Variants in ASH1L observed in about 807,000 individuals in gnomAD.
ASH1L encodes the protein ASH1 like histone lysine methyltransferase, also known as histone-lysine N-methyltransferase ASH1L.
In ASH1L, 23 loss-of-function variants were observed where a neutral mutation model predicts 269.0. That is an observed-to-expected ratio of 0.09 (90% CI 0.06 to 0.12). The LOEUF (loss-of-function observed/expected upper bound fraction) is 0.12, where lower values mean the gene tolerates loss of function less well. ASH1L is among the 10% of genes least tolerant of loss of function. The pLI is 1.00. For missense variants in ASH1L, 2,912 were observed against 3,567.8 expected (o/e 0.82, Z 4.68); for synonymous variants, 1,187 against 1,253.5 (o/e 0.95, Z 1.12).
intron 12 of ASH1L, among the ~76,000 whole-genome samples, chr1:155,369,087 T>C (rs1347803514): frequency 6.6e-6 from 1 of 152,136 alleles, no homozygotes; most frequent in Non-Finnish European, 1.5e-5. Context: ...CATATTTTCA[T>C]AGGGGTGTTG....
chr1:155,438,922 G>T lies in ASH1L; in HGVS notation c.5233C>A (p.Pro1745Thr). 2 of 1,614,212 alleles carry T rather than the reference G, an allele frequency of 1.2e-6. No homozygotes were observed. The highest frequency in any genetic ancestry group is 1.7e-6 in the Non-Finnish European group (2 of 1,180,050). The part of the protein sequence containing the change: ...DAVIATASAP[P>T]SSSPGRSHSK... The stretch of plus-strand genomic sequence containing the variant: ...TGGCTACGGCCTGGACTGGAAGAAG[G>T]TGGTGCAGAGGCAGTTGCAATCACA... Residue 1745 changes from proline (P) to threonine (T), a missense_variant, in exon 5 of 28, where the codon CCT (proline) becomes ACT (threonine). Pro to Thr is a conservative substitution (Grantham distance 38). Transcript: ENST00000392403.
chr1:155,428,865 C>T (rs956364085), intron 5 of ASH1L, among the ~76,000 whole-genome samples: 5 of 152,236 alleles, frequency 3.3e-5, no homozygotes, highest in Admixed American at 2.0e-4. Flanking sequence ...AATAAATACG[C>T]GGGTAAATCT....
At chr1:155,448,222 A>AGTG (rs1663177793) in intron 4 of ASH1L, among the ~76,000 whole-genome samples, 1 of 152,222 alleles carries the variant, frequency 6.6e-6, no homozygotes, top group African/African-American at 2.4e-5. Context: ...TTTTTATGCT[A>AGTG]GTACCATGCT....
intron 3 of ASH1L, among the ~76,000 whole-genome samples, chr1:155,460,790 C>T (rs1323381482): frequency 6.6e-6 from 1 of 152,160 alleles, no homozygotes; most frequent in Admixed American, 6.5e-5. Context: ...TGGCTATATA[C>T]ATAAAAGCTT....
intron 1 of ASH1L, among the ~76,000 whole-genome samples, chr1:155,560,366 G>A (rs1372100276): frequency 6.6e-6 from 1 of 152,052 alleles, no homozygotes; most frequent in Non-Finnish European, 1.5e-5. Flanking sequence ...AGAAGAATAC[G>A]GTTAAGTGGC....
intron 5 of ASH1L, among the ~76,000 whole-genome samples, chr1:155,418,354 C>T (rs897150500): frequency 2.0e-5 from 3 of 151,924 alleles, no homozygotes; most frequent in Non-Finnish European, 4.4e-5. Context: ...TTGATAAATA[C>T]GAAATCTGAA....
chr1:155,343,655 T>G lies in ASH1L; in HGVS notation c.8069A>C (p.Asn2690Thr). The G allele has an allele frequency of 6.2e-7, 1 of 1,614,110 alleles. No homozygotes were observed. The highest frequency in any genetic ancestry group is 8.5e-7 in the Non-Finnish European group (1 of 1,179,988). The change falls in exon 23 of 28, where the codon AAC (asparagine) becomes ACC (threonine). Residue 2690 changes from asparagine to threonine, a missense_variant. This residue lies in a region of ASH1L where 179 missense variants were observed against 293.8 expected (regional missense o/e 0.61). Coordinates refer to ENST00000392403, the MANE Select transcript of ASH1L (RefSeq NM_018489.3). This position sits in a 1 kb window ranked among gnomAD's most constrained non-coding sequence, Gnocchi z 6.1. ...RQSYRLLSHI[N>T]RDKLDIFRIE... ...GCGAAAGATGTCAAGTTTATCTCGG[T>G]TAATGTGAGATAACAGTCGATAGGA... is the stretch of plus-strand genomic sequence containing the variant.
intron 4 of ASH1L, among the ~76,000 whole-genome samples, chr1:155,456,712 T>C (rs973248639): frequency 6.6e-6 from 1 of 152,200 alleles, no homozygotes. Context: ...TATCTCTACC[T>C]AAATAGGCCA....
At chr1:155,360,454 T>C in intron 12 of ASH1L, 45 bp from the exon 13 acceptor site, 1 of 1,361,754 alleles carries the variant, frequency 7.3e-7, no homozygotes, top group Non-Finnish European at 1.0e-6. Flanking sequence ...AAATTTTTTT[T>C]TTTTTTTGAG....
At chr1:155,488,924 AAAT>A (rs1213912100) in intron 2 of ASH1L, among the ~76,000 whole-genome samples, 10 of 152,206 alleles carry the variant, frequency 6.6e-5, no homozygotes, top group African/African-American at 2.4e-4. Flanking sequence ...ACCAAAGTAT[AAAT>A]AATACCTTTC....
At chr1:155,411,350 G>C (rs774624049) in intron 6 of ASH1L, among the ~76,000 whole-genome samples, 10 of 151,416 alleles carry the variant, frequency 6.6e-5, no homozygotes, top group Non-Finnish European at 1.2e-4. Context: ...GGAAGAGCTA[G>C]TTCTAACATA....
At chr1:155,541,058 T>C (rs926858967) in intron 1 of ASH1L, among the ~76,000 whole-genome samples, 2 of 152,164 alleles carry the variant, frequency 1.3e-5, no homozygotes, top group African/African-American at 4.8e-5. Flanking sequence ...GCTAAGTGCA[T>C]ATCCATACTA....
At chr1:155,476,059 T>C (rs1665514308) in intron 3 of ASH1L, among the ~76,000 whole-genome samples, 1 of 152,180 alleles carries the variant, frequency 6.6e-6, no homozygotes, top group Non-Finnish European at 1.5e-5. Context: ...ATTTGTTGAA[T>C]GGACCTAAGC....
At chr1:155,551,394 C>T (rs1024334081) in intron 1 of ASH1L, among the ~76,000 whole-genome samples, 5 of 152,138 alleles carry the variant, frequency 3.3e-5, no homozygotes, top group African/African-American at 1.2e-4. Context: ...GGCGCAGTGG[C>T]TCACGCCTGT....
At chr1:155,491,755 C>T (rs1459396457) in intron 2 of ASH1L, among the ~76,000 whole-genome samples, 2 of 151,684 alleles carry the variant, frequency 1.3e-5, no homozygotes, top group African/African-American at 2.4e-5. Context: ...CTGCAACCTC[C>T]GTCTCCTGGG....
At chr1:155,350,653 T>C (rs1045877924) in intron 17 of ASH1L, among the ~76,000 whole-genome samples, 4 of 152,224 alleles carry the variant, frequency 2.6e-5, no homozygotes, top group Non-Finnish European at 5.9e-5. Context: ...ATGGGTGCGG[T>C]GGCTCACACC....
At position 155,543,022 on chromosome 1, in the gene ASH1L, C is replaced by T. The variant is rs187568558; in HGVS notation, c.-100+19131G>A. ...ATTACTTTTTTTTTAAATATTTTAACGGCACTGTGTGGCTGCTGGGGAAAA... is the reference window on the plus strand; with the variant it reads ...ATTACTTTTTTTTTAAATATTTTAATGGCACTGTGTGGCTGCTGGGGAAAA... On this transcript the variant is annotated intron_variant, in intron 1 of 27. Coordinates refer to ENST00000392403, the MANE Select transcript of ASH1L (RefSeq NM_018489.3). Among the ~76,000 whole-genome samples the T allele has an allele frequency of 6.6e-5, 10 of 151,792 alleles. No homozygotes were observed. The East Asian group carries it at 1.4e-3, about 21-fold the overall frequency.
chr1:155,403,535 CA>C (rs777018818), intron 6 of ASH1L, among the ~76,000 whole-genome samples: 3 of 152,130 alleles, frequency 2.0e-5, no homozygotes, highest in Non-Finnish European at 4.4e-5. Context: ...TGTTCTCTCA[CA>C]AGGTTCTTGA....
Position 155,357,325 on chromosome 1 carries a change from T to G in ASH1L, c.7046A>C (p.Asn2349Thr). 6.2e-7 allele frequency: 1 copy of G among 1,612,898 alleles called. No individual in the cohort carries two copies. Residue 2349 changes from asparagine to threonine, a missense_variant, in exon 15 of 28, where the codon AAT becomes ACT. Coordinates refer to ENST00000392403, the MANE Select transcript of ASH1L (RefSeq NM_018489.3). ...TPQLQMKPMS[N>T]RERNFVLKHH... is the part of the protein sequence containing the mutation. ...GATATTTCCTTTTTACCTTTCACGA[T>G]TGGACATTGGCTTCATCTGTAATTG...
Sources: gnomAD v4.1 joint callset for allele counts (sites outside exome capture counted in the v4.1 genomes callset) on GRCh38, gnomAD v4.1.1 for gene constraint, gnomAD v4.1.1 regional missense constraint, Gnocchi (gnomAD v3.1) non-coding constraint, MANE v1.5 for transcripts, NCBI Gene and HGNC (gene_info 2026-07-23, HGNC 2026-07-21) for gene names.